The following AADAC variants were observed in gnomAD, a reference collection of about 807,000 sequenced individuals.
The protein encoded by AADAC is arylacetamide deacetylase, also known as arylacetamide deacetylase (esterase).
Under a neutral mutation model 22.7 loss-of-function variants are expected in AADAC, and 17 were observed. That is an observed-to-expected ratio of 0.75 (90% CI 0.51 to 1.12). AADAC has a LOEUF of 1.12. Among genes scored for constraint, AADAC ranks in the 50% most tolerant of loss-of-function variants. AADAC has a pLI of 0.00. For synonymous variants in AADAC, 167 were observed against 176.3 expected (o/e 0.95, Z 0.42); for missense variants, 465 against 473.9 (o/e 0.98, Z 0.17).
intron 2 of AADAC, 28 bp downstream of exon 2, chr3:151,817,616 T>C: frequency 1.9e-6 from 3 of 1,598,258 alleles, no homozygotes; most frequent in Non-Finnish European, 2.6e-6. Context: ...AAAATCTCTG[T>C]CACTGAGGTA....
chr3:151,814,863 G>A (rs1343986649), intron 1 of AADAC, among the ~76,000 whole-genome samples: 10 of 151,922 alleles, frequency 6.6e-5, no homozygotes. Flanking sequence ...CTTGGATGCT[G>A]GCAAATTAAA....
intron 2 of AADAC, among the ~76,000 whole-genome samples, chr3:151,819,655 C>G (rs1270469956): frequency 6.6e-6 from 1 of 151,800 alleles, no homozygotes; most frequent in Non-Finnish European, 1.5e-5. Flanking sequence ...AAGTAATGGG[C>G]TGGGAGTGTT....
chr3:151,822,156 A>AAT (rs1276937329), intron 3 of AADAC, among the ~76,000 whole-genome samples: 1 of 151,880 alleles, frequency 6.6e-6, no homozygotes, highest in Admixed American at 6.6e-5. Context: ...GGATGGGTAT[A>AAT]ATATATATAT....
At chr3:151,823,258 A>G (rs1391751780) in intron 3 of AADAC, among the ~76,000 whole-genome samples, 1 of 151,218 alleles carries the variant, frequency 6.6e-6, no homozygotes, top group African/African-American at 2.4e-5. Context: ...AGCCTGGGCA[A>G]CAGAACTAGA....
intron 4 of AADAC, among the ~76,000 whole-genome samples, chr3:151,827,242 A>T (rs963440779): frequency 3.3e-5 from 5 of 151,986 alleles, no homozygotes; most frequent in Admixed American, 1.3e-4. Flanking sequence ...TGAACAGAAG[A>T]TAATATTTAT....
intron 2 of AADAC, 21 bp downstream of exon 2, chr3:151,817,609 A>G (rs948570170): frequency 1.3e-5 from 21 of 1,605,076 alleles, no homozygotes; most frequent in Non-Finnish European, 1.6e-5. Flanking sequence ...GCTTTGAAAA[A>G]TCTCTGTCAC....
At chr3:151,817,262 C>T (rs1453032440) in intron 1 of AADAC, 104 bp from the exon 2 acceptor site, 1 of 948,618 alleles carries the variant, frequency 1.1e-6, no homozygotes, top group African/African-American at 1.6e-5. Flanking sequence ...AAATTTAGTT[C>T]ATTCCATTTG....
chr3:151,825,987 T>C (rs993416056), intron 4 of AADAC, among the ~76,000 whole-genome samples: 2 of 132,906 alleles, frequency 1.5e-5, no homozygotes, highest in Admixed American at 8.0e-5. Context: ...AGAAGTTAAG[T>C]AGAACATATG....
intron 4 of AADAC, among the ~76,000 whole-genome samples, chr3:151,825,213 A>G (rs1212014954): frequency 6.6e-6 from 1 of 151,508 alleles, no homozygotes; most frequent in Non-Finnish European, 1.5e-5. Flanking sequence ...CTCTACAAAA[A>G]AAAAAAAAGA....
chr3:151,828,321 A>C lies in AADAC; in HGVS notation c.*149A>C, dbSNP rs1271590927. ...GGCACTTTTCTGTTTTTTTTTTCTT[A>C]CTGTGGGATTTCATTTCAATTTTCT... On this transcript the variant is annotated 3_prime_UTR_variant, in exon 5 of 5. Coordinates refer to ENST00000232892, the MANE Select transcript of AADAC (RefSeq NM_001086.3). 2.3e-6 allele frequency: 1 copy of C among 434,986 alleles called. No individual in the cohort carries two copies. The highest frequency in any genetic ancestry group is 2.1e-5 in the African/African-American group (1 of 48,646). The allele number at this position is 434,986 out of a possible 1,614,324, so 26.9% of individuals were successfully genotyped here.
rs540723216 is a variant in AADAC, at chr3:151,827,605, A to C, written c.633A>C (p.Lys211Asn). ...TTGATGACCCAGATGTCAAGATCAA[A>C]CTCAAGATCCAGTCTTTAATTTATC... ...QLLDDPDVKI[K>N]LKIQSLIYPA... Residue 211 changes from lysine to asparagine, a missense_variant, in exon 5 of 5, where the codon AAA becomes AAC. Lys to Asn is a moderately conservative substitution (Grantham distance 94, BLOSUM62 0). Coordinates refer to ENST00000232892, the MANE Select transcript of AADAC (RefSeq NM_001086.3). The C allele has an allele frequency of 1.0e-5, 16 of 1,581,938 alleles. No individual in the cohort carries two copies. In the South Asian group the frequency reaches 1.9e-4, roughly 18 times the overall value.
chr3:151,818,946 T>C (rs1301114632), intron 2 of AADAC, among the ~76,000 whole-genome samples: 1 of 152,020 alleles, frequency 6.6e-6, no homozygotes, highest in African/African-American at 2.4e-5. Context: ...GAATACAGTA[T>C]AGATTAACTG....
At chr3:151,818,698 T>C (rs983422994) in intron 2 of AADAC, among the ~76,000 whole-genome samples, 7 of 152,136 alleles carry the variant, frequency 4.6e-5, no homozygotes, top group African/African-American at 1.7e-4. Context: ...CAACTCACTG[T>C]GTATCAAGAA....
intron 2 of AADAC, among the ~76,000 whole-genome samples, chr3:151,818,506 C>G (rs968717130): frequency 5.9e-5 from 9 of 151,796 alleles, no homozygotes; most frequent in African/African-American, 2.2e-4. Flanking sequence ...GCCTCCTGGT[C>G]GAAGAAGAGT....
Position 151,820,556 on chromosome 3 carries a change from C to A in AADAC, c.431+104C>A, listed in dbSNP as rs1037724220. ...TTTTTGTGATGGAGTCTCACCCTGT[C>A]ACCCAGGCTGGAGTGCAGTGGCAGG... is the stretch of plus-strand genomic sequence containing the variant. On this transcript the variant is annotated intron_variant, in intron 3 of 4. Transcript: ENST00000232892. The A allele has an allele frequency of 1.4e-4, 97 of 691,438 alleles. 1 individual carries two copies. The highest frequency in any genetic ancestry group is 1.4e-4 in the Non-Finnish European group (66 of 478,834). 42.8% of individuals were successfully genotyped at this position (691,438 alleles called of 1,614,324 possible). A position where few individuals can be genotyped will look rare whatever the true frequency, so the allele number is the denominator to read the frequency against.
chr3:151,826,502 G>A (rs1377156201), intron 4 of AADAC, among the ~76,000 whole-genome samples: 1 of 151,870 alleles, frequency 6.6e-6, no homozygotes, highest in Non-Finnish European at 1.5e-5. Flanking sequence ...TAGTTAAAAT[G>A]TGGATAAATA....
intron 4 of AADAC, among the ~76,000 whole-genome samples, 190 bp from the exon 5 acceptor site, chr3:151,827,386 G>C (rs546104456): frequency 1.3e-5 from 2 of 152,028 alleles, no homozygotes; most frequent in South Asian, 4.2e-4. Flanking sequence ...TGAACATCTA[G>C]TTCTAGAAAC....
chr3:151,822,758 C>G (rs1379431944), intron 3 of AADAC, among the ~76,000 whole-genome samples: 2 of 151,888 alleles, frequency 1.3e-5, no homozygotes, highest in Non-Finnish European at 2.9e-5. Context: ...TGAGAAGTGA[C>G]TACTAATGGG....
Position 151,817,546 on chromosome 3 carries a change from T to C in AADAC, c.319T>C (p.Leu107=), listed in dbSNP as rs1716045059. 1.2e-6 allele frequency: 2 copies of C among 1,613,610 alleles called. No individual in the cohort carries two copies. ...KRKSEALRRG[L]FYIHGGGWCV... Reference sequence around the variant, plus strand: ...AAAGTCTGAAGCACTAAGAAGGGGGTTGTTTTACATCCATGGTGGAGGCTG... The same window carrying C: ...AAAGTCTGAAGCACTAAGAAGGGGGCTGTTTTACATCCATGGTGGAGGCTG... Residue 107 remains leucine (L), a synonymous_variant, in exon 2 of 5, where the codon TTG becomes CTG. Transcript: ENST00000232892.
Sources: gnomAD v4.1 joint callset for allele counts (sites outside exome capture counted in the v4.1 genomes callset) on GRCh38, gnomAD v4.1.1 for gene constraint, MANE v1.5 for transcripts, NCBI Gene and HGNC (gene_info 2026-07-23, HGNC 2026-07-21) for gene names.